F10: variants seen among roughly 807,000 people sequenced by gnomAD.
F10 encodes coagulation factor X.
In F10, 29 loss-of-function variants were observed where a neutral mutation model predicts 37.1. The ratio of observed to expected loss-of-function variants is 0.78; its 90% CI spans 0.58 to 1.07. The LOEUF is 1.07. Among genes scored for constraint, F10 ranks in the 50% least tolerant of loss-of-function variants. The probability of loss-of-function intolerance (pLI) is 0.00; values close to 1 mark genes in which losing one functional copy is unlikely to be tolerated. For synonymous variants in F10, 262 were observed against 268.6 expected (o/e 0.98, Z 0.24); for missense variants, 539 against 667.9 (o/e 0.81, Z 2.13).
chr13:113,142,308 A>G (rs570253224), intron 5 of F10, among the ~76,000 whole-genome samples: 20 of 152,222 alleles, frequency 1.3e-4, no homozygotes, highest in East Asian at 5.8e-4. Context: ...TTGGGAGGCC[A>G]AGGCGGGCGG....
At chr13:113,135,219 G>C (rs3213003) in intron 2 of F10, among the ~76,000 whole-genome samples, 2,478 of 151,600 alleles carry the variant, frequency 0.016, 32 homozygotes, top group Non-Finnish European at 0.027. Context: ...CTCCAGCCTG[G>C]GCAACAAGAG....
At chr13:113,123,021 TG>T (rs942724907) in intron 1 of F10, 96 bp downstream of exon 1, 135 of 1,409,422 alleles carry the variant, frequency 9.6e-5, no homozygotes, top group Non-Finnish European at 1.3e-4. Flanking sequence ...GCCTGGACGG[TG>T]GGTGCCTTGA....
At chr13:113,124,611 G>A (rs1566914111) in intron 1 of F10, among the ~76,000 whole-genome samples, 1 of 152,228 alleles carries the variant, frequency 6.6e-6, no homozygotes, top group Non-Finnish European at 1.5e-5. Context: ...GGACCCTGCT[G>A]TGCACACTTT....
intron 2 of F10, among the ~76,000 whole-genome samples, chr13:113,133,986 T>TA (rs547210129): frequency 3.3e-5 from 5 of 152,292 alleles, no homozygotes; most frequent in Admixed American, 3.3e-4. Context: ...TATGATTTTA[T>TA]AAAAAACCTA....
intron 2 of F10, chr13:113,129,930 A>G: frequency 2.7e-6 from 1 of 366,962 alleles, no homozygotes; most frequent in Non-Finnish European, 5.3e-6. Flanking sequence ...ACCAATAGTC[A>G]TGGTCTCGGC....
intron 3 of F10, among the ~76,000 whole-genome samples, 183 bp downstream of exon 3, chr13:113,138,664 C>A (rs1277414712): frequency 6.6e-6 from 1 of 152,090 alleles, no homozygotes; most frequent in Admixed American, 6.6e-5. Context: ...TTATACTAAT[C>A]CTAGTTTTGT....
At chr13:113,126,297 C>T (rs1197396858) in intron 1 of F10, among the ~76,000 whole-genome samples, 7 of 152,138 alleles carry the variant, frequency 4.6e-5, no homozygotes, top group African/African-American at 9.7e-5. Flanking sequence ...CCTTATAGGC[C>T]GTGTCCTACC....
chr13:113,144,304 GC>G lies in F10; in HGVS notation c.747+210del. On this transcript the variant is annotated intron_variant, in intron 6 of 7. Coordinates refer to ENST00000375559, the MANE Select transcript of F10 (RefSeq NM_000504.4). This position sits in a 1 kb window ranked among gnomAD's most constrained non-coding sequence, Gnocchi z 6.4. ...TGAGCTCCACAGGGAAGTGGCCGGG[GC>G]TGAGGGAGAGGCTGGGCCCAGGCAA... 1.4e-6 allele frequency: 1 copy of G among 714,444 alleles called. No individual in the cohort carries two copies. Among genetic ancestry groups the G allele is most frequent in the South Asian group, 1.8e-5 (1 of 55,534 alleles). The allele number at this position is 714,444 out of a possible 1,614,324, so 44.3% of individuals were successfully genotyped here. A position where few individuals can be genotyped will look rare whatever the true frequency, so the allele number is the denominator to read the frequency against.
In F10 at chr13:113,149,026, C is replaced by G. The variant is rs567506251; in HGVS notation, c.976C>G (p.Leu326Val). ...KETYDFDIAV[L>V]RLKTPITFRM... Reference sequence around the variant, plus strand: ...GACCTATGACTTCGACATCGCCGTGCTCCGGCTCAAGACCCCCATCACCTT... The same window carrying G: ...GACCTATGACTTCGACATCGCCGTGGTCCGGCTCAAGACCCCCATCACCTT... The change falls in exon 8 of 8, where the codon CTC (leucine) becomes GTC (valine). Residue 326 changes from leucine to valine, a missense_variant. Leu to Val is a conservative substitution (Grantham distance 32). This residue lies in a region of F10 where 409 missense variants were observed against 547.9 expected (regional missense o/e 0.75). Transcript: ENST00000375559. This position sits in a 1 kb window ranked among gnomAD's most constrained non-coding sequence, Gnocchi z 7.5. 6.2e-7 allele frequency: 1 copy of G among 1,613,512 alleles called. No homozygotes were observed. Among genetic ancestry groups the G allele is most frequent in the African/African-American group, 1.3e-5 (1 of 75,010 alleles).
At chr13:113,135,402 A>G (rs1020402302) in intron 2 of F10, among the ~76,000 whole-genome samples, 1 of 152,228 alleles carries the variant, frequency 6.6e-6, no homozygotes, top group Non-Finnish European at 1.5e-5. Flanking sequence ...GAAGTCCTCC[A>G]AGATCAAGAA....
Position 113,144,068 on chromosome 13 carries a change from A to G in F10, c.720A>G (p.Glu240=). 3 of 1,613,952 alleles carry G rather than the reference A, an allele frequency of 1.9e-6. No individual in the cohort carries two copies. The highest frequency in any genetic ancestry group is 2.5e-6 in the Non-Finnish European group (3 of 1,180,010). ...TCACCAGGATCGTGGGAGGCCAGGA[A>G]TGCAAGGACGGGGAGTGTCCCTGGC... ...NNLTRIVGGQ[E]CKDGECPWQA... The change falls in exon 6 of 8, where the codon GAA becomes GAG. Residue 240 remains glutamate, a synonymous_variant. Transcript: ENST00000375559. The surrounding 1 kb of genome is among the most constrained non-coding windows in gnomAD (Gnocchi z 6.4).
chr13:113,147,324 C>A, intron 6 of F10, 55 bp from the exon 7 acceptor site: 1 of 1,244,418 alleles, frequency 8.0e-7, no homozygotes, highest in South Asian at 1.2e-5. Flanking sequence ...GCTTCTCAGT[C>A]AGGCAACACC....
rs1399037529 is a variant in F10 at position 113,144,833 on chromosome 13, A to G, written c.747+738A>G. Among the ~76,000 whole-genome samples the G allele has an allele frequency of 1.6e-5, 2 of 127,684 alleles. No homozygotes were observed. The highest frequency in any genetic ancestry group is 1.5e-4 in the Admixed American group (2 of 13,050). The allele number at this position is 127,684 out of a possible 152,430, so 83.8% of individuals were successfully genotyped here. On this transcript the variant is annotated intron_variant, in intron 6 of 7. Transcript: ENST00000375559. This position sits in a 1 kb window ranked among gnomAD's most constrained non-coding sequence, Gnocchi z 6.4. ...GGTTCAAGCGATTCTCATGCCTCAG[A>G]CTCCCAAGTAGCTGGAATTACGGGC...
At chr13:113,131,974 A>T (rs2036438668) in intron 2 of F10, 1 of 152,156 alleles carries the variant, frequency 6.6e-6, no homozygotes, top group African/African-American at 2.4e-5. Flanking sequence ...AATATTTCTG[A>T]CTCCTGGCAT....
intron 2 of F10, among the ~76,000 whole-genome samples, chr13:113,136,676 A>G (rs1342589342): frequency 0.13 from 692 of 5,436 alleles, 40 homozygotes; most frequent in Middle Eastern, 0.5. Flanking sequence ...TTTGAGACGG[A>G]GTCTCGCTCT....
chr13:113,126,883 C>G (rs2036375758), intron 1 of F10, among the ~76,000 whole-genome samples: 2 of 152,174 alleles, frequency 1.3e-5, no homozygotes, highest in African/African-American at 2.4e-5. Flanking sequence ...TCCTCAGTGC[C>G]TTTTGTGGAG....
intron 7 of F10, among the ~76,000 whole-genome samples, 182 bp downstream of exon 7, chr13:113,147,678 GGGA>G (rs1411694404): frequency 6.6e-6 from 1 of 152,080 alleles, no homozygotes; most frequent in African/African-American, 2.4e-5. Flanking sequence ...GGGAAGAGTG[GGGA>G]GGAGGACGGG....
rs2036553384 is a variant in F10, at chr13:113,143,666, T to C, written c.503-185T>C. 6.6e-6 allele frequency among the ~76,000 whole-genome samples: 1 copy of C among 152,070 alleles called. No homozygotes were observed. Among genetic ancestry groups the C allele is most frequent in the Non-Finnish European group, 1.5e-5 (1 of 67,998 alleles). ...GAGGGGAGGCCAACGCTCGGACAGC[T>C]GCGCTCACCTGCAGATCCGACCCCT... On this transcript the variant is annotated intron_variant, in intron 5 of 7. Transcript: ENST00000375559. The surrounding 1 kb of genome is among the most constrained non-coding windows in gnomAD (Gnocchi z 6.8).
intron 6 of F10, 117 bp from the exon 7 acceptor site, chr13:113,147,262 G>A (rs973345962): frequency 3.5e-5 from 26 of 747,970 alleles, no homozygotes; most frequent in East Asian, 1.0e-4. Context: ...GCAGGAGACC[G>A]AAGAGGACAG....
Sources: allele counts gnomAD v4.1 joint callset (sites outside exome capture counted in the v4.1 genomes callset), GRCh38; gene constraint gnomAD v4.1.1; regional missense constraint gnomAD v4.1.1; non-coding constraint Gnocchi (gnomAD v3.1); transcripts MANE v1.5; gene names NCBI Gene and HGNC (gene_info 2026-07-23, HGNC 2026-07-21).